The following PTPRM variants were observed in gnomAD, a reference collection of about 807,000 sequenced individuals.
PTPRM encodes the protein protein tyrosine phosphatase receptor type M.
A neutral mutation model predicts 186.7 loss-of-function variants in PTPRM; 47 were observed. The ratio of observed to expected loss-of-function variants is 0.25; its 90% CI spans 0.20 to 0.32. PTPRM has a LOEUF of 0.32. Among genes scored for constraint, PTPRM ranks in the 10% least tolerant of loss-of-function variants. The pLI is 1.00. For missense variants in PTPRM, 1,494 were observed against 1,865.0 expected (o/e 0.80, Z 3.66); for synonymous variants, 668 against 674.9 (o/e 0.99, Z 0.16).
chr18:7,835,220 G>T, intron 2 of PTPRM, among the ~76,000 whole-genome samples: 1 of 144,744 alleles, frequency 6.9e-6, no homozygotes. Context: ...GGCACTTATA[G>T]CTCTAAACTT....
intron 22 of PTPRM, among the ~76,000 whole-genome samples, chr18:8,320,080 G>T (rs2095336254): frequency 6.6e-6 from 1 of 152,158 alleles, no homozygotes; most frequent in African/African-American, 2.4e-5. Flanking sequence ...AGAAGACCCA[G>T]CTAAGGCTGA....
chr18:8,117,013 C>A (rs1169350030), intron 13 of PTPRM, among the ~76,000 whole-genome samples: 1 of 152,156 alleles, frequency 6.6e-6, no homozygotes, highest in Non-Finnish European at 1.5e-5. Context: ...AAGATATTCT[C>A]CCTCCAGGCA....
chr18:7,712,779 G>T (rs886501328), intron 1 of PTPRM, among the ~76,000 whole-genome samples: 18 of 151,782 alleles, frequency 1.2e-4, no homozygotes, highest in Non-Finnish European at 2.5e-4. Context: ...AGAGATTGAA[G>T]ATCAACTTAA....
At chr18:8,298,527 T>C (rs375914539) in intron 20 of PTPRM, among the ~76,000 whole-genome samples, 53 of 152,336 alleles carry the variant, frequency 3.5e-4, no homozygotes, top group African/African-American at 1.2e-3. Flanking sequence ...TATAGTTTAG[T>C]ACCTCCTCAT....
At position 8,290,563 on chromosome 18, in the gene PTPRM, G is replaced by T. The variant is rs2095031615; in HGVS notation, c.2755-5805G>T. On this transcript the variant is annotated intron_variant, in intron 19 of 32. Transcript: ENST00000580170. ...GGAGGTTATTAAATCACAAAAACAT[G>T]TTTCCTATTCAGAAAAAAATGACAG... is the stretch of plus-strand genomic sequence containing the variant. 3.9e-5 allele frequency among the ~76,000 whole-genome samples: 6 copies of T among 152,162 alleles called. No individual in the cohort carries two copies. The South Asian group carries it at 1.2e-3, about 32-fold the overall frequency.
chr18:7,694,862 T>A (rs905614321), intron 1 of PTPRM, among the ~76,000 whole-genome samples: 4 of 152,182 alleles, frequency 2.6e-5, no homozygotes, highest in Non-Finnish European at 5.9e-5. Flanking sequence ...CAATATTTTT[T>A]AAATTGAAGT....
intron 11 of PTPRM, among the ~76,000 whole-genome samples, chr18:8,109,273 A>G (rs1304921551): frequency 6.6e-6 from 1 of 152,220 alleles, no homozygotes; most frequent in Non-Finnish European, 1.5e-5. Context: ...ATTTTTCATT[A>G]GCACTTGGGC....
intron 11 of PTPRM, among the ~76,000 whole-genome samples, chr18:8,111,623 A>T (rs1413984057): frequency 1.3e-5 from 2 of 151,870 alleles, no homozygotes; most frequent in South Asian, 2.1e-4. Context: ...AAAAAAAAAA[A>T]TTATTTTATT....
At chr18:8,136,904 T>A (rs771208451) in intron 13 of PTPRM, among the ~76,000 whole-genome samples, 18 of 152,172 alleles carry the variant, frequency 1.2e-4, no homozygotes, top group Non-Finnish European at 2.1e-4. Flanking sequence ...TAAGAAAAAG[T>A]ATAGAAATTT....
At chr18:8,303,286 G>A (rs2147939781) in intron 20 of PTPRM, among the ~76,000 whole-genome samples, 1 of 152,230 alleles carries the variant, frequency 6.6e-6, no homozygotes, top group East Asian at 1.9e-4. Flanking sequence ...TCTGAGGTGG[G>A]TTACCATGCC....
At chr18:7,931,335 A>G (rs1036995006) in intron 5 of PTPRM, among the ~76,000 whole-genome samples, 18 of 150,712 alleles carry the variant, frequency 1.2e-4, no homozygotes, top group African/African-American at 3.9e-4. Context: ...GTGTGTGTAT[A>G]TATATATAAC....
chr18:7,979,494 G>A lies in PTPRM; in HGVS notation c.1132+24080G>A, dbSNP rs147783674. Among the ~76,000 whole-genome samples, 180 of 152,246 alleles carry A rather than the reference G, an allele frequency of 1.2e-3. 2 individuals carry two copies. Among genetic ancestry groups the A allele is most frequent in the African/African-American group, 3.8e-3 (156 of 41,542 alleles). On this transcript the variant is annotated intron_variant, in intron 7 of 32. Transcript: ENST00000580170. ...CTAAGGTGTTTTATTTGAGACAAAT[G>A]GTTAACGTGTTACATGACATATTTA...
intron 19 of PTPRM, among the ~76,000 whole-genome samples, chr18:8,261,288 A>G (rs747504511): frequency 2.6e-5 from 4 of 152,214 alleles, no homozygotes; most frequent in Non-Finnish European, 4.4e-5. Flanking sequence ...CTGTAAATGC[A>G]TTAAGAATCA....
chr18:8,338,263 A>T (rs2095451818), intron 22 of PTPRM, among the ~76,000 whole-genome samples: 1 of 151,644 alleles, frequency 6.6e-6, no homozygotes, highest in African/African-American at 2.4e-5. Flanking sequence ...GTACCCTAGA[A>T]CTTAAAGTAT....
chr18:8,169,508 C>T (rs2093368373), intron 14 of PTPRM, among the ~76,000 whole-genome samples: 1 of 152,072 alleles, frequency 6.6e-6, no homozygotes, highest in Admixed American at 6.5e-5. Flanking sequence ...AGTGTACCTC[C>T]ATGTAGCCTT....
intron 2 of PTPRM, among the ~76,000 whole-genome samples, chr18:7,795,810 C>CTTTTTTTTTTTTT (rs397741769): frequency 2.5e-5 from 3 of 117,766 alleles, no homozygotes; most frequent in African/African-American, 9.7e-5. Flanking sequence ...TTCTTTCTTT[C>CTTTTTTTTTTTTT]TTTTTTTTTT....
At chr18:8,315,585 A>G (rs1306016549) in intron 21 of PTPRM, among the ~76,000 whole-genome samples, 1 of 152,228 alleles carries the variant, frequency 6.6e-6, no homozygotes, top group African/African-American at 2.4e-5. Flanking sequence ...CCGAGTTTAT[A>G]TTAAACAGAT....
chr18:8,142,595 A>G (rs2092790529), intron 13 of PTPRM, among the ~76,000 whole-genome samples: 1 of 152,208 alleles, frequency 6.6e-6, no homozygotes, highest in African/African-American at 2.4e-5. Context: ...AGGAGTGGAA[A>G]ACCTCATGAC....
rs114284163 is a variant in PTPRM at position 7,788,599 on chromosome 18, G to A, written c.196+14328G>A. ...AATTCCAACCCCTTTTATGAAGTGT[G>A]TAGTGACAAAATGATACAAAGGTGG... On this transcript the variant is annotated intron_variant, in intron 2 of 32. Transcript: ENST00000580170. Among the ~76,000 whole-genome samples the A allele has an allele frequency of 5.3e-3, 810 of 152,304 alleles. 10 individuals carry two copies. The highest frequency in any genetic ancestry group is 0.018 in the African/African-American group (760 of 41,572).
Sources: gnomAD v4.1 joint callset for allele counts (sites outside exome capture counted in the v4.1 genomes callset) on GRCh38, gnomAD v4.1.1 for gene constraint, MANE v1.5 for transcripts, NCBI Gene and HGNC (gene_info 2026-07-23, HGNC 2026-07-21) for gene names.